The following UTRN variants were observed in gnomAD, a reference collection of about 807,000 sequenced individuals.
UTRN encodes dystrophin-related protein 1.
In UTRN, 283 loss-of-function variants were observed where a neutral mutation model predicts 463.9. The ratio of observed to expected loss-of-function variants is 0.61; its 90% CI spans 0.55 to 0.67. The LOEUF (loss-of-function observed/expected upper bound fraction) is 0.67. Ranked by LOEUF, UTRN falls within the 30% of genes least tolerant of loss-of-function variation. The pLI, the probability that UTRN is intolerant of heterozygous loss-of-function variation, is 0.00. For missense variants in UTRN, 3,922 were observed against 4,084.3 expected, an observed-to-expected ratio of 0.96 and a Z score of 1.08; for synonymous variants, 1,442 against 1,431.5, an observed-to-expected ratio of 1.01 and a Z score of -0.17.
At chr6:144,737,439 G>A (rs1473602975) in intron 54 of UTRN, among the ~76,000 whole-genome samples, 3 of 152,156 alleles carry the variant, frequency 2.0e-5, no homozygotes, top group African/African-American at 7.2e-5. Flanking sequence ...TAGTCTTTGG[G>A]ACTTTCAACA....
intron 2 of UTRN, among the ~76,000 whole-genome samples, chr6:144,332,834 A>G (rs1447229580): frequency 6.6e-6 from 1 of 151,998 alleles, no homozygotes; most frequent in African/African-American, 2.4e-5. Context: ...TATAATTAAT[A>G]TCATTATTTT....
intron 45 of UTRN, among the ~76,000 whole-genome samples, chr6:144,542,070 T>C (rs1334117186): frequency 1.3e-5 from 2 of 152,102 alleles, no homozygotes; most frequent in South Asian, 2.1e-4. Context: ...ATCTACCACT[T>C]TGAGGGTAGT....
At chr6:144,473,674 T>C in intron 23 of UTRN, 46 bp from the exon 24 acceptor site, 1 of 1,512,522 alleles carries the variant, frequency 6.6e-7, no homozygotes, top group Non-Finnish European at 9.2e-7. Flanking sequence ...TGTAGTAGGC[T>C]GAACGTCACG....
intron 61 of UTRN, among the ~76,000 whole-genome samples, chr6:144,783,736 A>AT (rs948127562): frequency 7.9e-5 from 12 of 151,864 alleles, no homozygotes; most frequent in African/African-American, 1.5e-4. Flanking sequence ...TCCTCTCTCG[A>AT]TTTTTTTTAA....
intron 50 of UTRN, among the ~76,000 whole-genome samples, chr6:144,574,591 G>T (rs1801256455): frequency 6.6e-6 from 1 of 151,952 alleles, no homozygotes; most frequent in Admixed American, 6.6e-5. Context: ...GTTGTTGTTT[G>T]TTTGTTTTTG....
At chr6:144,695,347 T>C (rs899527759) in intron 52 of UTRN, among the ~76,000 whole-genome samples, 2 of 140,146 alleles carry the variant, frequency 1.4e-5, no homozygotes, top group Non-Finnish European at 3.1e-5. Context: ...ATGATTAAAC[T>C]TTTTTTTTTT....
intron 65 of UTRN, among the ~76,000 whole-genome samples, chr6:144,818,720 C>G (rs1228083893): frequency 6.6e-6 from 1 of 152,060 alleles, no homozygotes; most frequent in African/African-American, 2.4e-5. Flanking sequence ...CCTTCCTTAC[C>G]AAGACATTTA....
intron 2 of UTRN, among the ~76,000 whole-genome samples, chr6:144,334,947 T>G (rs1776610290): frequency 6.6e-6 from 1 of 152,170 alleles, no homozygotes; most frequent in African/African-American, 2.4e-5. Context: ...TCAGTGAAAA[T>G]AAATTGAACG....
In UTRN at chr6:144,824,577, TATATATATATATA is replaced by T. The variant is rs1562954785; in HGVS notation, c.9495-2770_9495-2758del. Reference sequence around the variant, plus strand: ...ATATTAATATAGCATTTTATTTATATATATATATATATATATATATATATATATATATATATCT... The same window carrying T: ...ATATTAATATAGCATTTTATTTATATTATATATATATATATATATATATCT... On this transcript the variant is annotated intron_variant, in intron 66 of 74. Coordinates refer to ENST00000367545, the MANE Select transcript of UTRN (RefSeq NM_007124.3). 4.2e-3 allele frequency among the ~76,000 whole-genome samples: 108 copies of T among 25,920 alleles called. 2 individuals are homozygous for T. Among genetic ancestry groups the T allele is most frequent in the African/African-American group, 0.014 (102 of 7,514 alleles). The allele number at this position is 25,920 out of a possible 152,430, so 17.0% of individuals were successfully genotyped here. A position where few individuals can be genotyped will look rare whatever the true frequency, so the allele number is the denominator to read the frequency against.
At chr6:144,387,410 A>T (rs1391127774) in intron 2 of UTRN, among the ~76,000 whole-genome samples, 1 of 152,180 alleles carries the variant, frequency 6.6e-6, no homozygotes, top group East Asian at 1.9e-4. Context: ...AAGTGCTGAG[A>T]TTACAGGCAT....
At chr6:144,541,481 A>G (rs1046492048) in intron 45 of UTRN, among the ~76,000 whole-genome samples, 1 of 152,238 alleles carries the variant, frequency 6.6e-6, no homozygotes. Flanking sequence ...TTTTAATATA[A>G]TTCACTTTGG....
intron 19 of UTRN, among the ~76,000 whole-genome samples, chr6:144,455,470 C>T (rs960647349): frequency 3.9e-5 from 6 of 152,188 alleles, no homozygotes; most frequent in African/African-American, 1.4e-4. Context: ...TTTTTTACTT[C>T]TACCTCAGCA....
chr6:144,590,748 A>G (rs530236623), intron 51 of UTRN, among the ~76,000 whole-genome samples: 2 of 152,126 alleles, frequency 1.3e-5, no homozygotes, highest in African/African-American at 4.8e-5. Flanking sequence ...GCCACTTACC[A>G]GTTATGTAAC....
At position 144,660,537 on chromosome 6, in the gene UTRN, C is replaced by G. The variant is rs193249263; in HGVS notation, c.7480-17869C>G. On this transcript the variant is annotated intron_variant, in intron 51 of 74. Coordinates refer to ENST00000367545, the MANE Select transcript of UTRN (RefSeq NM_007124.3). ...CAGAAGAAACTCTTTGTACTCAAGTCAGCTGGTAATTTAACTGAAACTTCT... is the reference window on the plus strand; with the variant it reads ...CAGAAGAAACTCTTTGTACTCAAGTGAGCTGGTAATTTAACTGAAACTTCT... Among the ~76,000 whole-genome samples the G allele has an allele frequency of 2.0e-5, 3 of 151,614 alleles. No individual in the cohort carries two copies. In the East Asian group the frequency reaches 5.8e-4, roughly 29 times the overall value.
intron 17 of UTRN, among the ~76,000 whole-genome samples, chr6:144,449,511 A>G (rs2128556362): frequency 6.6e-6 from 1 of 152,280 alleles, no homozygotes; most frequent in Admixed American, 6.5e-5. Context: ...CTCCAAGGTC[A>G]TTGGAAACGT....
intron 27 of UTRN, among the ~76,000 whole-genome samples, chr6:144,482,934 A>T (rs1792048228): frequency 6.6e-6 from 1 of 152,084 alleles, no homozygotes; most frequent in Non-Finnish European, 1.5e-5. Flanking sequence ...TAAAATGTAG[A>T]TGAGTCTATG....
chr6:144,516,826 GC>G lies in UTRN; in HGVS notation c.5422del (p.Gln1808ArgfsTer103). ...AAAAATTTAGATGGATGAGGAGAGT[GC>G]CCAGATTGAGGAAGTTCTACAAAGA... ...DEDEKMDEES[A>X]QIEEVLQRGE... is the part of the protein sequence containing the mutation. On this transcript the variant is annotated frameshift_variant, in exon 39 of 75. Coordinates refer to ENST00000367545, the MANE Select transcript of UTRN (RefSeq NM_007124.3). LOFTEE classifies it high-confidence loss of function. 1 of 1,489,072 alleles carries G rather than the reference GC, an allele frequency of 6.7e-7. No homozygotes were observed. The highest frequency in any genetic ancestry group is 1.4e-5 in the South Asian group (1 of 69,302). The allele number at this position is 1,489,072 out of a possible 1,614,324, so 92.2% of individuals were successfully genotyped here.
At chr6:144,742,177 C>T (rs547151203) in intron 54 of UTRN, among the ~76,000 whole-genome samples, 1 of 152,154 alleles carries the variant, frequency 6.6e-6, no homozygotes, top group Non-Finnish European at 1.5e-5. Flanking sequence ...AAGATTTAGG[C>T]TACATATTAA....
chr6:144,381,879 G>A (rs997533559), intron 2 of UTRN, among the ~76,000 whole-genome samples: 14 of 152,216 alleles, frequency 9.2e-5, no homozygotes, highest in Non-Finnish European at 1.5e-4. Flanking sequence ...TCAGTAATGG[G>A]ATTGCTGGGT....
Sources: allele counts gnomAD v4.1 joint callset (sites outside exome capture counted in the v4.1 genomes callset), GRCh38; gene constraint gnomAD v4.1.1; transcripts MANE v1.5; gene names NCBI Gene and HGNC (gene_info 2026-07-23, HGNC 2026-07-21).